The following CNBD1 variants were observed in gnomAD, a reference collection of about 807,000 sequenced individuals.
The protein encoded by CNBD1 is cyclic nucleotide-binding domain-containing protein 1.
In CNBD1, 71 loss-of-function variants were observed where a neutral mutation model predicts 54.4. The ratio of observed to expected loss-of-function variants is 1.30; its 90% CI spans 1.08 to 1.59. CNBD1 has a LOEUF of 1.59. Ranked by LOEUF, CNBD1 falls within the 40% of genes most tolerant of loss-of-function variation. The probability of loss-of-function intolerance (pLI) is 0.00; values close to 1 mark genes in which losing one functional copy is unlikely to be tolerated. For missense variants in CNBD1, 659 were observed against 518.0 expected, an observed-to-expected ratio of 1.27 and a Z score of -2.64; for synonymous variants, 182 against 170.7, an observed-to-expected ratio of 1.07 and a Z score of -0.51.
intron 2 of CNBD1, among the ~76,000 whole-genome samples, chr8:87,390,684 G>T (rs889561570): frequency 6.6e-6 from 1 of 152,122 alleles, no homozygotes; most frequent in Non-Finnish European, 1.5e-5. Context: ...TGAGTGTGAT[G>T]ATTCCTCAGG....
chr8:87,247,021 C>T (rs1026984800), intron 6 of CNBD1, among the ~76,000 whole-genome samples: 4 of 152,032 alleles, frequency 2.6e-5, no homozygotes, highest in Admixed American at 2.6e-4. Context: ...TCCATAATCT[C>T]GTTTTGGTTA....
At chr8:87,097,385 A>G (rs2130688278) in intron 4 of CNBD1, among the ~76,000 whole-genome samples, 1 of 152,326 alleles carries the variant, frequency 6.6e-6, no homozygotes, top group Non-Finnish European at 1.5e-5. Flanking sequence ...CAAGTGGTTA[A>G]GGCCATGATT....
chr8:87,000,152 G>A (rs903565861), intron 4 of CNBD1, among the ~76,000 whole-genome samples: 1 of 152,060 alleles, frequency 6.6e-6, no homozygotes, highest in Non-Finnish European at 1.5e-5. Context: ...ACCATATGCT[G>A]AGAGAGGGAC....
chr8:86,896,798 T>C (rs1808854270), intron 2 of CNBD1, among the ~76,000 whole-genome samples: 1 of 152,156 alleles, frequency 6.6e-6, no homozygotes, highest in African/African-American at 2.4e-5. Context: ...AAAGTAGTTG[T>C]AGAAATTCTG....
intron 4 of CNBD1, among the ~76,000 whole-genome samples, chr8:87,149,076 C>T (rs1177795861): frequency 1.3e-5 from 2 of 152,154 alleles, no homozygotes; most frequent in African/African-American, 2.4e-5. Flanking sequence ...CAATGGGGCA[C>T]ACAACTTGAA....
At chr8:87,354,194 A>G (rs1810371464) in intron 10 of CNBD1, among the ~76,000 whole-genome samples, 1 of 152,134 alleles carries the variant, frequency 6.6e-6, no homozygotes. Flanking sequence ...GCCTTGTCTC[A>G]TTCTCTGTGT....
At position 87,418,329 on chromosome 8, in the gene CNBD1, T is replaced by C. The variant is rs536614283; in HGVS notation, c.214-10217T>C. On this transcript the variant is annotated intron_variant, in intron 2 of 7. Coordinates refer to the CNBD1 transcript ENST00000521593. ...CGAATATTCACATGCAAAATATGAA[T>C]TTGGACCCCAATCTTATACCATGTA... Among the ~76,000 whole-genome samples the C allele has an allele frequency of 1.4e-4, 21 of 151,986 alleles. No individual in the cohort carries two copies. The South Asian group carries it at 4.3e-3, about 31-fold the overall frequency.
chr8:87,273,125 G>A (rs1585974161), intron 6 of CNBD1, among the ~76,000 whole-genome samples: 2 of 151,904 alleles, frequency 1.3e-5, no homozygotes, highest in Non-Finnish European at 2.9e-5. Flanking sequence ...TAGTAGTACT[G>A]TAGTAGTGAT....
intron 8 of CNBD1, among the ~76,000 whole-genome samples, chr8:87,332,023 C>G (rs1809844765): frequency 2.0e-5 from 3 of 152,024 alleles, no homozygotes; most frequent in Admixed American, 2.0e-4. Flanking sequence ...CATGTTCACT[C>G]TGATGATAGA....
chr8:87,329,177 C>G (rs1487362976), intron 8 of CNBD1, among the ~76,000 whole-genome samples: 1 of 152,146 alleles, frequency 6.6e-6, no homozygotes, highest in Admixed American at 6.5e-5. Flanking sequence ...TTTGGAAAGA[C>G]TACCTACTGT....
intron 4 of CNBD1, among the ~76,000 whole-genome samples, chr8:87,100,241 G>A (rs895307129): frequency 6.6e-6 from 1 of 152,092 alleles, no homozygotes; most frequent in Non-Finnish European, 1.5e-5. Flanking sequence ...CTAGAGCCTT[G>A]TTGTCATGCT....
intron 10 of CNBD1, among the ~76,000 whole-genome samples, chr8:87,374,493 C>T (rs930269566): frequency 1.6e-4 from 24 of 151,318 alleles, no homozygotes; most frequent in African/African-American, 5.4e-4. Flanking sequence ...TTTTCATTGC[C>T]CGTCTTTACA....
intron 6 of CNBD1, among the ~76,000 whole-genome samples, chr8:87,261,092 A>G (rs1009814344): frequency 2.6e-5 from 4 of 152,058 alleles, no homozygotes; most frequent in African/African-American, 9.7e-5. Flanking sequence ...GAGGTAAGAG[A>G]CCTCTAACTA....
chr8:87,071,326 G>A (rs1586235991), intron 4 of CNBD1, among the ~76,000 whole-genome samples: 1 of 152,110 alleles, frequency 6.6e-6, no homozygotes, highest in Non-Finnish European at 1.5e-5. Context: ...TGGCAATGGA[G>A]CCTCAACTTT....
In CNBD1 at chr8:86,939,764, TA is replaced by T; in HGVS notation, c.431+14del. On this transcript the variant is annotated intron_variant, in intron 4 of 10. Coordinates refer to ENST00000518476, the MANE Select transcript of CNBD1 (RefSeq NM_173538.3). ...CTATCTTAAAGAAATTGTAAGTATT[TA>T]AAATATATTCCTTCTTCTAATTGAG... The T allele has an allele frequency of 6.9e-7, 1 of 1,449,770 alleles. No homozygotes were observed. The highest frequency in any genetic ancestry group is 9.4e-7 in the Non-Finnish European group (1 of 1,063,310). The allele number at this position is 1,449,770 out of a possible 1,614,324, so 89.8% of individuals were successfully genotyped here.
chr8:87,182,354 CAT>C lies in CNBD1; in HGVS notation c.432-23636_432-23635del, dbSNP rs71277917. Among the ~76,000 whole-genome samples, 18,153 of 152,070 alleles carry C rather than the reference CAT, an allele frequency of 0.12. 1,354 individuals are homozygous for C. Among genetic ancestry groups the C allele is most frequent in the Non-Finnish European group, 0.17 (11,370 of 67,954 alleles). ...CTACTGTAAACAGCACTGTGATAGA[CAT>C]ATGTGTGCATGTCTTTATGGTAGAA... On this transcript the variant is annotated intron_variant, in intron 4 of 10. Transcript: ENST00000518476. The surrounding 1 kb of genome is among the most constrained non-coding windows in gnomAD (Gnocchi z 4.1).
intron 4 of CNBD1, among the ~76,000 whole-genome samples, chr8:87,071,500 A>C (rs1403617081): frequency 6.6e-6 from 1 of 152,172 alleles, no homozygotes; most frequent in Non-Finnish European, 1.5e-5. Flanking sequence ...TAGGCAAGAC[A>C]GTCTTAATAT....
intron 2 of CNBD1, among the ~76,000 whole-genome samples, chr8:87,406,479 CTTT>C (rs1214001647): frequency 0.046 from 3,767 of 82,316 alleles, 189 homozygotes; most frequent in African/African-American, 0.19. Flanking sequence ...CACACACACA[CTTT>C]TTTTTTTTTT....
At chr8:87,040,580 C>T (rs907209879) in intron 4 of CNBD1, among the ~76,000 whole-genome samples, 29 of 151,590 alleles carry the variant, frequency 1.9e-4, no homozygotes, top group Non-Finnish European at 2.9e-4. Flanking sequence ...CCTGCCACCA[C>T]GCCTGGATAA....
Sources: gnomAD v4.1 joint callset for allele counts (sites outside exome capture counted in the v4.1 genomes callset) on GRCh38, gnomAD v4.1.1 for gene constraint, Gnocchi (gnomAD v3.1) non-coding constraint, MANE v1.5 for transcripts, NCBI Gene and HGNC (gene_info 2026-07-23, HGNC 2026-07-21) for gene names.